LAMC1: variants seen among roughly 807,000 people sequenced by gnomAD.
LAMC1 encodes the protein laminin subunit gamma 1.
In LAMC1, 38 loss-of-function variants were observed where a neutral mutation model predicts 173.6. The observed-to-expected ratio is 0.22, with a 90% CI of 0.17 to 0.29. LAMC1 has a LOEUF of 0.29. LAMC1 is among the 10% of genes least tolerant of loss of function. The pLI, the probability that LAMC1 is intolerant of heterozygous loss-of-function variation, is 1.00. For synonymous variants in LAMC1, 746 were observed against 749.1 expected (o/e 1.00, Z 0.07); for missense variants, 1,824 against 2,051.8 (o/e 0.89, Z 2.14).
At chr1:183,092,638 C>T (rs1185161159) in intron 1 of LAMC1, among the ~76,000 whole-genome samples, 1 of 152,124 alleles carries the variant, frequency 6.6e-6, no homozygotes, top group African/African-American at 2.4e-5. Flanking sequence ...CCTTCTAGAG[C>T]GCCTGGGGGT....
intron 1 of LAMC1, among the ~76,000 whole-genome samples, chr1:183,099,193 A>G (rs1655771303): frequency 1.3e-5 from 2 of 151,898 alleles, no homozygotes; most frequent in Non-Finnish European, 2.9e-5. Context: ...AGTTCCAGCA[A>G]TTCTCCCACC....
At chr1:183,070,503 C>T (rs1654984109) in intron 1 of LAMC1, among the ~76,000 whole-genome samples, 1 of 152,046 alleles carries the variant, frequency 6.6e-6, no homozygotes, top group African/African-American at 2.4e-5. Context: ...TGTGTTCTTC[C>T]TTTGTCATCT....
At chr1:183,107,870 G>T (rs1423359742) in intron 2 of LAMC1, among the ~76,000 whole-genome samples, 2 of 152,022 alleles carry the variant, frequency 1.3e-5, no homozygotes, top group Non-Finnish European at 2.9e-5. Flanking sequence ...GCAATGACCA[G>T]CATCTCTGAT....
At chr1:183,051,463 C>G (rs1021034749) in intron 1 of LAMC1, among the ~76,000 whole-genome samples, 1 of 152,200 alleles carries the variant, frequency 6.6e-6, no homozygotes, top group Non-Finnish European at 1.5e-5. Context: ...CAGTCAATAC[C>G]GTGTGGAGTA....
intron 1 of LAMC1, among the ~76,000 whole-genome samples, chr1:183,055,295 C>A (rs1051083397): frequency 1.3e-5 from 2 of 151,926 alleles, no homozygotes; most frequent in African/African-American, 4.8e-5. Flanking sequence ...CGGACACATC[C>A]TTTCTTTATC....
intron 18 of LAMC1, among the ~76,000 whole-genome samples, chr1:183,130,134 A>T (rs1267022459): frequency 6.6e-6 from 1 of 152,168 alleles, no homozygotes; most frequent in Admixed American, 6.5e-5. Context: ...AAGTGGACAG[A>T]TGGACGCACG....
Position 183,084,297 on chromosome 1 carries a change from C to T in LAMC1, c.419-19031C>T, listed in dbSNP as rs572096250. Among the ~76,000 whole-genome samples the T allele has an allele frequency of 4.2e-4, 64 of 151,600 alleles. 1 individual carries two copies. The highest frequency in any genetic ancestry group is 1.3e-3 in the African/African-American group (55 of 41,318). On this transcript the variant is annotated intron_variant, in intron 1 of 27. Transcript: ENST00000258341. ...GGCGGAGCTTGCAGTGAGCCAAGAT[C>T]GCGCCGCCGCACTCCAGCCTGGGCG...
chr1:183,091,797 A>T (rs1290851671), intron 1 of LAMC1, among the ~76,000 whole-genome samples: 1 of 152,150 alleles, frequency 6.6e-6, no homozygotes, highest in East Asian at 1.9e-4. Flanking sequence ...GTCCCTTATC[A>T]TCGAGAATTG....
chr1:183,070,148 A>G (rs758612565), intron 1 of LAMC1, among the ~76,000 whole-genome samples: 1 of 152,232 alleles, frequency 6.6e-6, no homozygotes, highest in Admixed American at 6.5e-5. Context: ...TCATTCTTCC[A>G]TAGCCCTTTT....
intron 1 of LAMC1, among the ~76,000 whole-genome samples, chr1:183,026,090 T>C (rs1032021096): frequency 2.5e-4 from 38 of 152,236 alleles, no homozygotes; most frequent in African/African-American, 8.9e-4. Context: ...AACATCACTT[T>C]TTACTATGAA....
chr1:183,098,245 C>A (rs774520772), intron 1 of LAMC1, among the ~76,000 whole-genome samples: 1 of 152,128 alleles, frequency 6.6e-6, no homozygotes, highest in Non-Finnish European at 1.5e-5. Context: ...AGAGAGAGGA[C>A]ATGGTAACCC....
At chr1:183,128,438 A>G (rs573878878) in intron 17 of LAMC1, among the ~76,000 whole-genome samples, 156 bp from the exon 18 acceptor site, 1 of 151,382 alleles carries the variant, frequency 6.6e-6, no homozygotes, top group East Asian at 1.9e-4. Flanking sequence ...TGTTGTGCAC[A>G]TGTATCCTAA....
rs202193216 is a variant in LAMC1 at position 183,068,667 on chromosome 1, C to T, written c.419-34661C>T. Reference sequence around the variant, plus strand: ...TTAGAAAAGTGACACATGGGCTGGGCACGGTAGCTCATGCCTGTAATCCCA... The same window carrying T: ...TTAGAAAAGTGACACATGGGCTGGGTACGGTAGCTCATGCCTGTAATCCCA... On this transcript the variant is annotated intron_variant, in intron 1 of 27. Transcript: ENST00000258341. Among the ~76,000 whole-genome samples, 9 of 152,064 alleles carry T rather than the reference C, an allele frequency of 5.9e-5. No homozygotes were observed. In the East Asian group the frequency reaches 1.2e-3, roughly 20 times the overall value.
chr1:183,110,312 C>T (rs1237289022), intron 3 of LAMC1, among the ~76,000 whole-genome samples, 176 bp from the exon 4 acceptor site: 1 of 152,164 alleles, frequency 6.6e-6, no homozygotes, highest in African/African-American at 2.4e-5. Flanking sequence ...GTAAAGCTAC[C>T]TTGTTTAATT....
At chr1:183,119,201 T>C (rs1031395292) in intron 11 of LAMC1, among the ~76,000 whole-genome samples, 1 of 152,026 alleles carries the variant, frequency 6.6e-6, no homozygotes, top group African/African-American at 2.4e-5. Context: ...CCGGTCAAAA[T>C]TTTTTTTCTT....
chr1:183,082,789 G>T lies in LAMC1; in HGVS notation c.419-20539G>T, dbSNP rs565445671. On this transcript the variant is annotated intron_variant, in intron 1 of 27. Transcript: ENST00000258341. ...GGGTTTATTAGGATTAGTGTCAACC[G>T]TATGGCAACCATATCCCAGTGCTGG... Among the ~76,000 whole-genome samples the T allele has an allele frequency of 6.4e-4, 97 of 152,338 alleles. 1 individual carries two copies. In the Middle Eastern group the frequency reaches 0.024, roughly 37 times the overall value.
chr1:183,099,055 T>G (rs535410176), intron 1 of LAMC1, among the ~76,000 whole-genome samples: 1 of 152,218 alleles, frequency 6.6e-6, no homozygotes, highest in South Asian at 2.1e-4. Context: ...CTACACTCAC[T>G]GTGTCTGCCT....
chr1:183,116,728 T>TA (rs201366456), intron 7 of LAMC1, 39 bp from the exon 8 acceptor site: 328 of 1,594,016 alleles, frequency 2.1e-4, no homozygotes, highest in Admixed American at 3.9e-4. Flanking sequence ...ATATTTCAAG[T>TA]AAAAAAAAAG....
intron 1 of LAMC1, among the ~76,000 whole-genome samples, chr1:183,062,948 A>T (rs1193384384): frequency 6.6e-6 from 1 of 152,206 alleles, no homozygotes; most frequent in Non-Finnish European, 1.5e-5. Flanking sequence ...AGCAAGACTC[A>T]GTATCAAAAA....
Sources: gnomAD v4.1 joint callset for allele counts (sites outside exome capture counted in the v4.1 genomes callset) on GRCh38, gnomAD v4.1.1 for gene constraint, MANE v1.5 for transcripts, NCBI Gene and HGNC (gene_info 2026-07-23, HGNC 2026-07-21) for gene names.